MYO15A: variants seen among roughly 807,000 people sequenced by gnomAD.
MYO15A encodes the protein unconventional myosin-XV.
In MYO15A, 308 loss-of-function variants were observed where a neutral mutation model predicts 394.6. That is an observed-to-expected ratio of 0.78 (90% confidence interval 0.71 to 0.86). MYO15A has a LOEUF of 0.86. MYO15A is among the 40% of genes least tolerant of loss of function. MYO15A has a pLI of 0.00. For synonymous variants in MYO15A, 1,957 were observed against 2,003.8 expected, an observed-to-expected ratio of 0.98 and a Z score of 0.62; for missense variants, 4,606 against 4,799.1, an observed-to-expected ratio of 0.96 and a Z score of 1.19.
rs779870765 is a variant in MYO15A, at chr17:18,142,764, A to G, written c.5834A>G (p.Tyr1945Cys). The G allele has an allele frequency of 6.2e-7, 1 of 1,613,644 alleles. No homozygotes were observed. The highest frequency in any genetic ancestry group is 2.2e-5 in the East Asian group (1 of 44,870). Residue 1945 changes from tyrosine to cysteine, a missense_variant, in exon 25 of 66, where the codon TAT (tyrosine) becomes TGT (cysteine). Coordinates refer to ENST00000647165, the MANE Select transcript of MYO15A (RefSeq NM_016239.4). The stretch of plus-strand genomic sequence containing the variant: ...CCACTACCCCAACCCAGGCAACGCT[A>G]TCAGCAGATGAGGAGGAGTCTGGTG... ...RARGYLARQRYQQMRRSLVKF... is the reference protein window; with the variant it reads ...RARGYLARQRCQQMRRSLVKF...
rs370918996 is a variant in MYO15A, at chr17:18,119,832, T to A, written c.1032T>A (p.Asp344Glu). ...GEAHPYGYYL[D>E]PYAPYDAPYP... ...CGCACCCTTATGGCTACTACCTGGA[T>A]CCCTATGCGCCGTACGACGCGCCAT... Residue 344 changes from aspartate (D) to glutamate (E), a missense_variant, in exon 2 of 66, where the codon GAT becomes GAA. Physicochemically the swap from Asp to Glu is conservative, Grantham distance 45. This residue lies in a region of MYO15A where 1,830 missense variants were observed against 1,689.7 expected (regional missense o/e 1.08). Coordinates refer to ENST00000647165, the MANE Select transcript of MYO15A (RefSeq NM_016239.4). The A allele has an allele frequency of 6.2e-7, 1 of 1,612,810 alleles. No homozygotes were observed. Among genetic ancestry groups the A allele is most frequent in the African/African-American group, 1.3e-5 (1 of 74,870 alleles).
chr17:18,155,118 C>A lies in MYO15A; in HGVS notation c.8233C>A (p.Gln2745Lys), dbSNP rs769299846. ...LRMKALFAQNQLDTQKPLVTE... is the reference protein window; with the variant it reads ...LRMKALFAQNKLDTQKPLVTE... ...GACCTGGCCTCCCATAGCCCAGAAC[C>A]AGCTGGACACACAGAAGCCTCTGGT... Residue 2745 changes from glutamine (Q) to lysine (K), a missense_variant, in exon 46 of 66, where the codon CAG becomes AAG. Around this residue, in one of 2 missense-constraint regions of MYO15A, gnomAD observed 2,776 missense variants for 3,109.3 expected, o/e 0.89. Coordinates refer to ENST00000647165, the MANE Select transcript of MYO15A (RefSeq NM_016239.4). The A allele has an allele frequency of 1.2e-6, 2 of 1,613,430 alleles. No individual in the cohort carries two copies. Among genetic ancestry groups the A allele is most frequent in the South Asian group, 2.2e-5 (2 of 90,994 alleles).
rs2046589357 is a variant in MYO15A at position 18,151,869 on chromosome 17, T to C, written c.7811T>C (p.Met2604Thr). ...AGGAAGGATGGCGGGAAAGTGTTCATGAAGCGGCCAGACCCTCATGAGGAG... is the reference window on the plus strand; with the variant it reads ...AGGAAGGATGGCGGGAAAGTGTTCACGAAGCGGCCAGACCCTCATGAGGAG... ...ALRKDGGKVF[M>T]KRPDPHEEAL... Residue 2604 changes from methionine to threonine, a missense_variant, in exon 41 of 66, where the codon ATG (methionine) becomes ACG (threonine). By Grantham distance (81) the Met-to-Thr change is moderately conservative. This residue lies in a region of MYO15A where 2,776 missense variants were observed against 3,109.3 expected (regional missense o/e 0.89). Transcript: ENST00000647165. 1.3e-6 allele frequency: 2 copies of C among 1,578,296 alleles called. No individual in the cohort carries two copies. Among genetic ancestry groups the C allele is most frequent in the Non-Finnish European group, 1.7e-6 (2 of 1,162,178 alleles).
chr17:18,157,431 G>A (rs2046695429), intron 50 of MYO15A: 3 of 906,112 alleles, frequency 3.3e-6, no homozygotes, highest in Non-Finnish European at 3.4e-6. Context: ...GTCTCCGTGG[G>A]CATTTCCATG....
chr17:18,149,092 G>C (rs1195826165), intron 33 of MYO15A, 124 bp from the exon 34 acceptor site: 2 of 1,484,710 alleles, frequency 1.3e-6, no homozygotes, highest in African/African-American at 1.4e-5. Context: ...TAAGGAGGTA[G>C]AGTTCACCAA....
intron 1 of MYO15A, chr17:18,109,282 C>T (rs2045692847): frequency 6.6e-6 from 1 of 152,572 alleles, no homozygotes; most frequent in Non-Finnish European, 1.5e-5. Flanking sequence ...GAAATGAGGC[C>T]AGAGGCTGGG....
chr17:18,165,661 A>G (rs1024033020), intron 60 of MYO15A, among the ~76,000 whole-genome samples: 1 of 152,242 alleles, frequency 6.6e-6, no homozygotes, highest in Non-Finnish European at 1.5e-5. Flanking sequence ...TGACATATTC[A>G]TAAGTTCTAG....
rs771508906 is a variant in MYO15A, at chr17:18,162,606, A to G, written c.9539A>G (p.Gln3180Arg). The change falls in exon 58 of 66, where the codon CAG becomes CGG. Residue 3180 changes from glutamine to arginine, a missense_variant. This residue lies in a region of MYO15A where 2,776 missense variants were observed against 3,109.3 expected (regional missense o/e 0.89). Transcript: ENST00000647165. ...PFQGIAKACE[Q>R]NLQKTLRFGG... is the part of the protein sequence containing the mutation. Reference sequence around the variant, plus strand: ...GCAGGGATCGCCAAGGCCTGCGAGCAGAACCTGCAGAAAACCTTGCGCTTC... The same window carrying G: ...GCAGGGATCGCCAAGGCCTGCGAGCGGAACCTGCAGAAAACCTTGCGCTTC... 1.0e-4 allele frequency: 169 copies of G among 1,613,980 alleles called. No individual in the cohort carries two copies. The highest frequency in any genetic ancestry group is 1.4e-4 in the Non-Finnish European group (166 of 1,179,998).
rs1020096056 is a variant in MYO15A, at chr17:18,121,126, C to T, written c.2326C>T (p.Pro776Ser). Residue 776 changes from proline to serine, a missense_variant, in exon 2 of 66, where the codon CCC becomes TCC. Transcript: ENST00000647165. The surrounding 1 kb of genome is among the most constrained non-coding windows in gnomAD (Gnocchi z 5.3). The stretch of plus-strand genomic sequence containing the variant: ...GCGAGCTTGGTCACCGCTGGCCTCG[C>T]CCCAGCCCTCGCTGAGGAGCTCGCC... Reference protein sequence around the residue: ...RRRAWSPLASPQPSLRSSPGL... With the variant: ...RRRAWSPLASSQPSLRSSPGL... The T allele has an allele frequency of 1.6e-5, 24 of 1,508,194 alleles. No homozygotes were observed. The highest frequency in any genetic ancestry group is 4.3e-5 in the African/African-American group (3 of 69,488). 93.4% of individuals were successfully genotyped at this position (1,508,194 alleles called of 1,614,324 possible).
Position 18,148,263 on chromosome 17 carries a change from G to T in MYO15A, c.6691+53G>T, listed in dbSNP as rs1160647626. 1 of 1,606,474 alleles carries T rather than the reference G, an allele frequency of 6.2e-7. No individual in the cohort carries two copies. Among genetic ancestry groups the T allele is most frequent in the Non-Finnish European group, 8.5e-7 (1 of 1,177,094 alleles). On this transcript the variant is annotated intron_variant, in intron 31 of 65. Transcript: ENST00000647165. The surrounding 1 kb of genome is among the most constrained non-coding windows in gnomAD (Gnocchi z 4.8). Reference sequence around the variant, plus strand: ...GGGCAGTGGGAGTCAGCAGGGCCCAGTGAGCCCCGGGGATGGCAGAAGCCA... The same window carrying T: ...GGGCAGTGGGAGTCAGCAGGGCCCATTGAGCCCCGGGGATGGCAGAAGCCA...
intron 28 of MYO15A, 57 bp from the exon 29 acceptor site, chr17:18,144,440 T>A: frequency 1.4e-6 from 2 of 1,428,008 alleles, no homozygotes; most frequent in Non-Finnish European, 1.9e-6. Context: ...GAGCAGTGGG[T>A]CCAGATGTGC....
In MYO15A at chr17:18,127,085, G is replaced by A. The variant is rs374088232; in HGVS notation, c.3952G>A (p.Gly1318Ser). The A allele has an allele frequency of 6.9e-5, 112 of 1,613,938 alleles. No individual in the cohort carries two copies. The highest frequency in any genetic ancestry group is 9.1e-5 in the Non-Finnish European group (107 of 1,180,024). ...NQCIIISGESGSGKTEATKLI... is the reference protein window; with the variant it reads ...NQCIIISGESSSGKTEATKLI... ...CCTTTGCTCGGTCAGTGGAGAGAGCGGCTCTGGCAAAACTGAGGCCACCAA... is the reference window on the plus strand; with the variant it reads ...CCTTTGCTCGGTCAGTGGAGAGAGCAGCTCTGGCAAAACTGAGGCCACCAA... The change falls in exon 7 of 66, where the codon GGC (glycine) becomes AGC (serine). Residue 1318 changes from glycine to serine, a missense_variant. Physicochemically the swap from Gly to Ser is moderately conservative, Grantham distance 56 (BLOSUM62 0). Coordinates refer to ENST00000647165, the MANE Select transcript of MYO15A (RefSeq NM_016239.4).
chr17:18,158,212 G>C, intron 51 of MYO15A: 1 of 591,922 alleles, frequency 1.7e-6, no homozygotes, highest in East Asian at 2.8e-5. Flanking sequence ...GGTTTGGGGC[G>C]GTGCCAGGTG....
At chr17:18,141,574 T>TG in intron 22 of MYO15A, 79 bp from the exon 23 acceptor site, 1 of 1,361,610 alleles carries the variant, frequency 7.3e-7, no homozygotes, top group Non-Finnish European at 1.1e-6. Flanking sequence ...GACACCTGGC[T>TG]GGGGGCAGTA....
At chr17:18,154,899 C>A in intron 45 of MYO15A, 144 bp downstream of exon 45, 1 of 1,056,722 alleles carries the variant, frequency 9.5e-7, no homozygotes, top group Non-Finnish European at 1.4e-6. Context: ...TCTGGCCTCT[C>A]GCATGGCCGG....
Position 18,159,621 on chromosome 17 carries a change from T to C in MYO15A, c.9245T>C (p.Met3082Thr), listed in dbSNP as rs2046744526. ...TDMFLAVMRF[M>T]GDAPLKGQSD... Reference sequence around the variant, plus strand: ...TTTCCTACAGCTGTAATGAGGTTCATGGGGGATGCCCCACTGAAGGGCCAG... The same window carrying C: ...TTTCCTACAGCTGTAATGAGGTTCACGGGGGATGCCCCACTGAAGGGCCAG... Residue 3082 changes from methionine (M) to threonine (T), a missense_variant, in exon 55 of 66, where the codon ATG becomes ACG. Met to Thr is a moderately conservative substitution (Grantham distance 81, BLOSUM62 -1). Around this residue, in one of 2 missense-constraint regions of MYO15A, gnomAD observed 2,776 missense variants for 3,109.3 expected, o/e 0.89. Coordinates refer to ENST00000647165, the MANE Select transcript of MYO15A (RefSeq NM_016239.4). The C allele has an allele frequency of 1.2e-6, 2 of 1,614,146 alleles. No individual in the cohort carries two copies. The highest frequency in any genetic ancestry group is 1.7e-6 in the Non-Finnish European group (2 of 1,180,010).
rs2045930993 is a variant in MYO15A, at chr17:18,121,491, C to T, written c.2691C>T (p.Ala897=). 4 of 1,551,462 alleles carry T rather than the reference C, an allele frequency of 2.6e-6. No homozygotes were observed. The highest frequency in any genetic ancestry group is 3.5e-6 in the Non-Finnish European group (4 of 1,147,876). The part of the protein sequence containing the change: ...VRLPFHRPPR[A]GAWRAPLEHR... Reference sequence around the variant, plus strand: ...TGCCCTTCCACCGACCGCCCAGGGCCGGGGCCTGGCGGGCGCCCCTGGAAC... The same window carrying T: ...TGCCCTTCCACCGACCGCCCAGGGCTGGGGCCTGGCGGGCGCCCCTGGAAC... The change falls in exon 2 of 66, where the codon GCC becomes GCT. Residue 897 remains alanine, a synonymous_variant. Transcript: ENST00000647165. This position sits in a 1 kb window ranked among gnomAD's most constrained non-coding sequence, Gnocchi z 5.3.
intron 55 of MYO15A, 61 bp downstream of exon 55, chr17:18,159,740 C>CT (rs1490921300): frequency 3.2e-6 from 5 of 1,575,854 alleles, no homozygotes; most frequent in Non-Finnish European, 3.5e-6. Flanking sequence ...GTTTCCCCAT[C>CT]TATCAATGAG....
chr17:18,128,205 G>A (rs1186442548), intron 7 of MYO15A, among the ~76,000 whole-genome samples: 1 of 152,122 alleles, frequency 6.6e-6, no homozygotes, highest in Non-Finnish European at 1.5e-5. Context: ...ATGGAGGCAG[G>A]CTGGGCAGTG....
Sources: gnomAD v4.1 joint callset for allele counts (sites outside exome capture counted in the v4.1 genomes callset) on GRCh38, gnomAD v4.1.1 for gene constraint, gnomAD v4.1.1 regional missense constraint, Gnocchi (gnomAD v3.1) non-coding constraint, MANE v1.5 for transcripts, NCBI Gene and HGNC (gene_info 2026-07-23, HGNC 2026-07-21) for gene names.